Variants in PXDNL observed in about 807,000 individuals in gnomAD.
PXDNL encodes peroxidasin like.
PXDNL carries 145 observed loss-of-function variants against 150.8 expected under a neutral mutation model. The observed-to-expected ratio is 0.96, with a 90% confidence interval of 0.84 to 1.10. The LOEUF (loss-of-function observed/expected upper bound fraction) is 1.10, where lower values mean the gene tolerates loss of function less well. PXDNL is among the 50% of genes least tolerant of loss of function. The pLI is 0.00. For synonymous variants in PXDNL, 757 were observed against 725.7 expected, an observed-to-expected ratio of 1.04 and a Z score of -0.69; for missense variants, 2,087 against 1,873.9, an observed-to-expected ratio of 1.11 and a Z score of -2.10.
intron 18 of PXDNL, 128 bp downstream of exon 18, chr8:51,374,469 C>A (rs1216186993): frequency 3.6e-6 from 3 of 829,922 alleles, no homozygotes; most frequent in African/African-American, 3.4e-5. Context: ...TCACCTAATG[C>A]TATCTGATAT....
chr8:51,673,846 T>C (rs1815552225), intron 1 of PXDNL, among the ~76,000 whole-genome samples: 1 of 152,162 alleles, frequency 6.6e-6, no homozygotes, highest in South Asian at 2.1e-4. Flanking sequence ...TTTAGCCTTT[T>C]ATAGGTTTTT....
At chr8:51,501,700 T>G (rs16916408) in intron 4 of PXDNL, among the ~76,000 whole-genome samples, 8,560 of 152,114 alleles carry the variant, frequency 0.056, 390 homozygotes, top group East Asian at 0.26. Flanking sequence ...TCACATACAC[T>G]AACACAGTCA....
chr8:51,389,693 ATTTG>A (rs1807831741), intron 17 of PXDNL, among the ~76,000 whole-genome samples: 1 of 152,156 alleles, frequency 6.6e-6, no homozygotes, highest in African/African-American at 2.4e-5. Flanking sequence ...AGAATTGCCC[ATTTG>A]TTTGAGCTTC....
intron 3 of PXDNL, among the ~76,000 whole-genome samples, chr8:51,591,415 C>G (rs1813439948): frequency 6.6e-6 from 1 of 151,368 alleles, no homozygotes; most frequent in Admixed American, 6.6e-5. Context: ...TGAGGTGTCT[C>G]AGCTGAACAC....
intron 2 of PXDNL, among the ~76,000 whole-genome samples, chr8:51,616,244 A>G (rs1305610272): frequency 1.3e-5 from 2 of 152,204 alleles, no homozygotes; most frequent in Non-Finnish European, 2.9e-5. Flanking sequence ...AAATCTGCAC[A>G]GATGGTTTCT....
At chr8:51,465,628 A>C (rs80141090) in intron 8 of PXDNL, among the ~76,000 whole-genome samples, 1,794 of 152,240 alleles carry the variant, frequency 0.012, 21 homozygotes, top group South Asian at 0.053. Flanking sequence ...TTTGCTGATA[A>C]TATGATTCTA....
intron 1 of PXDNL, among the ~76,000 whole-genome samples, chr8:51,745,005 G>A (rs1242452344): frequency 1.2e-5 from 1 of 81,770 alleles, no homozygotes; most frequent in Non-Finnish European, 2.8e-5. Context: ...AGGGAGGGAA[G>A]AAAAGGAAGG....
At chr8:51,441,801 G>A (rs993828348) in intron 12 of PXDNL, among the ~76,000 whole-genome samples, 2 of 152,138 alleles carry the variant, frequency 1.3e-5, no homozygotes, top group Non-Finnish European at 2.9e-5. Context: ...ATTAGCTGGG[G>A]TTGGTTCTAA....
chr8:51,704,681 G>A (rs1001374690), intron 1 of PXDNL, among the ~76,000 whole-genome samples: 1 of 152,208 alleles, frequency 6.6e-6, no homozygotes, highest in Non-Finnish European at 1.5e-5. Context: ...TGTGGAGGAT[G>A]TGAAATATAC....
chr8:51,488,219 G>A (rs1810811839), intron 5 of PXDNL, among the ~76,000 whole-genome samples: 1 of 152,126 alleles, frequency 6.6e-6, no homozygotes, highest in South Asian at 2.1e-4. Flanking sequence ...ACAGATAAGA[G>A]TATTCAGCAA....
At chr8:51,555,443 A>C (rs1284138504) in intron 4 of PXDNL, among the ~76,000 whole-genome samples, 1 of 152,214 alleles carries the variant, frequency 6.6e-6, no homozygotes, top group Non-Finnish European at 1.5e-5. Context: ...TGTAAAAGGA[A>C]ATTAATAAGA....
chr8:51,711,954 C>T (rs540398579), intron 1 of PXDNL, among the ~76,000 whole-genome samples: 4 of 152,302 alleles, frequency 2.6e-5, no homozygotes, highest in East Asian at 1.9e-4. Flanking sequence ...ACAAGTATTG[C>T]CAAAGAAGAA....
chr8:51,499,171 C>G (rs1811124428), intron 5 of PXDNL, among the ~76,000 whole-genome samples: 1 of 152,136 alleles, frequency 6.6e-6, no homozygotes, highest in South Asian at 2.1e-4. Context: ...ACTCTGTCAC[C>G]CAGGCTGGAG....
chr8:51,632,086 AT>A (rs1042569756), intron 2 of PXDNL, among the ~76,000 whole-genome samples: 1 of 152,038 alleles, frequency 6.6e-6, no homozygotes, highest in Non-Finnish European at 1.5e-5. Context: ...GATGCAAATA[AT>A]TTTTTTGGCT....
intron 12 of PXDNL, among the ~76,000 whole-genome samples, chr8:51,438,501 G>T (rs1461087525): frequency 3.9e-5 from 6 of 152,150 alleles, no homozygotes; most frequent in Admixed American, 3.3e-4. Context: ...GGATCATGAG[G>T]TCAGGAGATC....
At chr8:51,643,885 G>A (rs1299604579) in intron 2 of PXDNL, among the ~76,000 whole-genome samples, 5 of 152,124 alleles carry the variant, frequency 3.3e-5, no homozygotes, top group Non-Finnish European at 1.5e-5. Flanking sequence ...TGAAGGATAT[G>A]AACAGACACT....
At chr8:51,510,987 G>A (rs978528214) in intron 4 of PXDNL, among the ~76,000 whole-genome samples, 2 of 152,192 alleles carry the variant, frequency 1.3e-5, no homozygotes, top group African/African-American at 2.4e-5. Context: ...CAAGGGATGT[G>A]TTAGCTATGA....
At chr8:51,386,506 A>T (rs1247451643) in intron 17 of PXDNL, among the ~76,000 whole-genome samples, 1 of 152,212 alleles carries the variant, frequency 6.6e-6, no homozygotes, top group Non-Finnish European at 1.5e-5. Flanking sequence ...GAGATGACAG[A>T]GAATTAGAAG....
At chr8:51,478,835 A>G (rs951087594) in intron 6 of PXDNL, among the ~76,000 whole-genome samples, 2 of 152,248 alleles carry the variant, frequency 1.3e-5, no homozygotes, top group African/African-American at 2.4e-5. Context: ...GATTTGGAAT[A>G]AACAGGTGCC....
Sources: allele counts gnomAD v4.1 joint callset (sites outside exome capture counted in the v4.1 genomes callset), GRCh38; gene constraint gnomAD v4.1.1; transcripts MANE v1.5; gene names NCBI Gene and HGNC (gene_info 2026-07-23, HGNC 2026-07-21).